The following JAK2 variants were observed in gnomAD, a reference collection of about 807,000 sequenced individuals.
JAK2 encodes tyrosine-protein kinase JAK2.
A neutral mutation model predicts 139.3 loss-of-function variants in JAK2; 86 were observed. The observed-to-expected ratio is 0.62, with a 90% CI of 0.52 to 0.74. The LOEUF is 0.74. Among genes scored for constraint, JAK2 ranks in the 30% least tolerant of loss-of-function variants. The probability of loss-of-function intolerance (pLI) is 0.00; values close to 1 mark genes in which losing one functional copy is unlikely to be tolerated. For synonymous variants in JAK2, 490 were observed against 437.7 expected (o/e 1.12, Z -1.49); for missense variants, 1,421 against 1,360.3 (o/e 1.04, Z -0.70).
chr9:5,037,081 T>G (rs1432147597), intron 4 of JAK2, among the ~76,000 whole-genome samples: 1 of 152,056 alleles, frequency 6.6e-6, no homozygotes, highest in African/African-American at 2.4e-5. Flanking sequence ...AAGAAGACAT[T>G]TATGCAGCCA....
chr9:5,002,284 A>G (rs1006927832), intron 2 of JAK2, among the ~76,000 whole-genome samples: 2 of 151,946 alleles, frequency 1.3e-5, no homozygotes, highest in South Asian at 2.1e-4. Context: ...ATTTATAGCT[A>G]TACATTCTCT....
At chr9:5,057,180 A>AT (rs1817824258) in intron 8 of JAK2, among the ~76,000 whole-genome samples, 1 of 151,998 alleles carries the variant, frequency 6.6e-6, no homozygotes. Flanking sequence ...TTTCTTGCTG[A>AT]ATTTTATTCA....
At chr9:4,988,141 C>G (rs1366948919) in intron 2 of JAK2, among the ~76,000 whole-genome samples, 1 of 152,146 alleles carries the variant, frequency 6.6e-6, no homozygotes, top group Non-Finnish European at 1.5e-5. Flanking sequence ...TGCTCTTCTC[C>G]CATTACATTT....
chr9:5,018,493 T>C (rs146947737), intron 2 of JAK2, among the ~76,000 whole-genome samples: 32 of 152,192 alleles, frequency 2.1e-4, no homozygotes, highest in African/African-American at 7.2e-4. Flanking sequence ...CCTGCCACCA[T>C]GCCTGGCTAA....
At chr9:5,078,590 G>T in intron 16 of JAK2, 146 bp downstream of exon 16, 1 of 664,988 alleles carries the variant, frequency 1.5e-6, no homozygotes, top group East Asian at 2.7e-5. Context: ...AATTTAAATT[G>T]TTAGTTAAAT....
chr9:5,036,925 A>C (rs1362971805), intron 4 of JAK2, among the ~76,000 whole-genome samples: 5 of 152,234 alleles, frequency 3.3e-5, no homozygotes, highest in Admixed American at 3.3e-4. Flanking sequence ...GTGAACAGGC[A>C]ACCTACAGAA....
intron 2 of JAK2, among the ~76,000 whole-genome samples, chr9:4,989,417 T>C (rs1390660060): frequency 6.6e-6 from 1 of 152,112 alleles, no homozygotes; most frequent in Non-Finnish European, 1.5e-5. Context: ...TTCAAGTTGA[T>C]TGTGTATTCT....
At chr9:5,125,847 AAGAG>A (rs1823954043) in intron 23 of JAK2, 1 of 143,054 alleles carries the variant, frequency 7.0e-6, no homozygotes, top group Non-Finnish European at 1.5e-5. Context: ...CCCAATTTAT[AAGAG>A]CTGTCTATAT....
intron 14 of JAK2, among the ~76,000 whole-genome samples, chr9:5,074,536 C>G (rs996920553): frequency 5.3e-5 from 8 of 152,062 alleles, no homozygotes; most frequent in Non-Finnish European, 1.0e-4. Flanking sequence ...TGGGGTGTCC[C>G]AAACAGAGAG....
intron 19 of JAK2, among the ~76,000 whole-genome samples, chr9:5,088,404 G>T (rs1285288493): frequency 6.6e-6 from 1 of 152,140 alleles, no homozygotes; most frequent in Non-Finnish European, 1.5e-5. Flanking sequence ...TATCCTGTAA[G>T]AATGCAATAA....
chr9:5,072,530 T>G lies in JAK2; in HGVS notation c.1680T>G (p.Phe560Leu). The change falls in exon 13 of 25, where the codon TTT (phenylalanine) becomes TTG (leucine). Residue 560 changes from phenylalanine (F) to leucine (L), a missense_variant. Phe to Leu is a conservative substitution (Grantham distance 22). Transcript: ENST00000381652. ...SLGQGTFTKIFKGVRREVGDY... is the reference protein window; with the variant it reads ...SLGQGTFTKILKGVRREVGDY... ...GCCAAGGCACTTTTACAAAGATTTT[T>G]AAAGGCGTACGAAGAGAAGTAGGAG... 8 of 1,603,050 alleles carry G rather than the reference T, an allele frequency of 5.0e-6. No individual in the cohort carries two copies. The highest frequency in any genetic ancestry group is 6.8e-6 in the Non-Finnish European group (8 of 1,173,964).
chr9:5,072,499 G>A lies in JAK2; in HGVS notation c.1649G>A (p.Ser550Asn), dbSNP rs937527250. The change falls in exon 13 of 25, where the codon AGC (serine) becomes AAC (asparagine). Residue 550 changes from serine to asparagine, a missense_variant. Physicochemically the swap from Ser to Asn is conservative, Grantham distance 46. Coordinates refer to ENST00000381652, the MANE Select transcript of JAK2 (RefSeq NM_004972.4). ...TACCTTTTTCTCTTGAAGAATGAAA[G>A]CCTTGGCCAAGGCACTTTTACAAAG... Reference protein sequence around the residue: ...IRNEDLIFNESLGQGTFTKIF... With the variant: ...IRNEDLIFNENLGQGTFTKIF... 1.3e-6 allele frequency: 2 copies of A among 1,575,500 alleles called. No individual in the cohort carries two copies. The highest frequency in any genetic ancestry group is 2.7e-5 in the African/African-American group (2 of 73,612).
chr9:5,115,697 G>T (rs1040820469), intron 22 of JAK2, among the ~76,000 whole-genome samples: 2 of 152,192 alleles, frequency 1.3e-5, no homozygotes, highest in African/African-American at 4.8e-5. Context: ...TAAAGAAAAT[G>T]TGACACATAT....
chr9:5,018,043 C>G lies in JAK2; in HGVS notation c.-25-3920C>G, dbSNP rs1003031360. Among the ~76,000 whole-genome samples, 3 of 152,070 alleles carry G rather than the reference C, an allele frequency of 2.0e-5. No individual in the cohort carries two copies. In the East Asian group the frequency reaches 5.8e-4, roughly 29 times the overall value. ...ATGTAGTTGGGTCATGTTTTTTAGT[C>G]CATTTAGCCATTCTCTATCTTTTAA... On this transcript the variant is annotated intron_variant, in intron 2 of 24. Transcript: ENST00000381652.
chr9:5,076,513 A>G (rs532650248), intron 14 of JAK2, among the ~76,000 whole-genome samples: 1 of 152,290 alleles, frequency 6.6e-6, no homozygotes, highest in Admixed American at 6.5e-5. Flanking sequence ...GTATTTTTAA[A>G]AAGATATATT....
At chr9:5,117,167 C>G (rs1165642406) in intron 22 of JAK2, among the ~76,000 whole-genome samples, 3 of 152,186 alleles carry the variant, frequency 2.0e-5, no homozygotes, top group Non-Finnish European at 4.4e-5. Flanking sequence ...CTGCCAGCAC[C>G]TTTATCATGG....
chr9:5,103,516 A>G (rs1284623212), intron 22 of JAK2, among the ~76,000 whole-genome samples: 1 of 152,190 alleles, frequency 6.6e-6, no homozygotes, highest in African/African-American at 2.4e-5. Context: ...GATCAATGAG[A>G]CAGAAGGTTA....
rs373695133 is a variant in JAK2, at chr9:5,086,134, G to A, written c.2572-3540G>A. 1.3e-3 allele frequency: 515 copies of A among 392,674 alleles called. 11 individuals are homozygous for A. The South Asian group carries it at 0.015, about 12-fold the overall frequency. 24.3% of individuals were successfully genotyped at this position (392,674 alleles called of 1,614,324 possible). A position where few individuals can be genotyped will look rare whatever the true frequency, so the allele number is the denominator to read the frequency against. ...GGCATCGGCAGCGGCGCGCGGCCCC[G>A]GCGGCCCCGCAAGGCTCGGGGAGCG... On this transcript the variant is annotated intron_variant, in intron 19 of 24. Coordinates refer to ENST00000381652, the MANE Select transcript of JAK2 (RefSeq NM_004972.4).
At chr9:5,035,054 CA>C (rs1823473626) in intron 4 of JAK2, among the ~76,000 whole-genome samples, 1 of 152,246 alleles carries the variant, frequency 6.6e-6, no homozygotes, top group African/African-American at 2.4e-5. Flanking sequence ...AAGGGGATAT[CA>C]ACCCGATCCC....
Sources: allele counts gnomAD v4.1 joint callset (sites outside exome capture counted in the v4.1 genomes callset), GRCh38; gene constraint gnomAD v4.1.1; transcripts MANE v1.5; gene names NCBI Gene and HGNC (gene_info 2026-07-23, HGNC 2026-07-21).